The following PCDH9 variants were observed in gnomAD, a reference collection of about 807,000 sequenced individuals.
PCDH9 encodes protocadherin-9.
Under a neutral mutation model 70.6 loss-of-function variants are expected in PCDH9, and 24 were observed. The observed-to-expected ratio is 0.34, with a 90% CI of 0.25 to 0.48. The LOEUF is 0.48. Ranked by LOEUF, PCDH9 falls within the 20% of genes least tolerant of loss-of-function variation. PCDH9 has a pLI of 0.99. For missense variants in PCDH9, 1,281 were observed against 1,503.6 expected, an observed-to-expected ratio of 0.85 and a Z score of 2.45; for synonymous variants, 562 against 558.5, an observed-to-expected ratio of 1.01 and a Z score of -0.09.
intron 4 of PCDH9, among the ~76,000 whole-genome samples, chr13:66,447,484 T>C (rs1958117440): frequency 6.6e-6 from 1 of 152,140 alleles, no homozygotes; most frequent in Non-Finnish European, 1.5e-5. Context: ...CTTGTGTCTC[T>C]CTTTTTAAAA....
In PCDH9 at chr13:67,186,945, T is replaced by C. The variant is rs1223224423; in HGVS notation, c.3036+38460A>G. ...ATTAAGACCATTTTCAATGAGTCTT[T>C]AAAGAGAGGGAGACATCATTAACTT... On this transcript the variant is annotated intron_variant, in intron 2 of 4. Coordinates refer to ENST00000377865, the MANE Select transcript of PCDH9 (RefSeq NM_203487.3). Among the ~76,000 whole-genome samples, 5 of 152,192 alleles carry C rather than the reference T, an allele frequency of 3.3e-5. No individual in the cohort carries two copies. In the East Asian group the frequency reaches 7.7e-4, roughly 23 times the overall value.
chr13:66,957,071 T>C (rs1438804326), intron 2 of PCDH9, among the ~76,000 whole-genome samples: 1 of 152,210 alleles, frequency 6.6e-6, no homozygotes, highest in African/African-American at 2.4e-5. Flanking sequence ...AACAATGCTT[T>C]GTAGTTAGAT....
chr13:66,531,601 G>A (rs1260359258), intron 4 of PCDH9, among the ~76,000 whole-genome samples: 2 of 152,100 alleles, frequency 1.3e-5, no homozygotes, highest in African/African-American at 2.4e-5. Context: ...AAATTTTAAC[G>A]ACTCTTCTAA....
chr13:66,772,674 A>C (rs1014483903), intron 3 of PCDH9, among the ~76,000 whole-genome samples: 7 of 152,132 alleles, frequency 4.6e-5, no homozygotes, highest in Non-Finnish European at 7.4e-5. Flanking sequence ...GCTCAACATA[A>C]ACATAACATT....
intron 2 of PCDH9, among the ~76,000 whole-genome samples, chr13:67,029,130 G>A (rs796608317): frequency 2.6e-5 from 4 of 152,182 alleles, no homozygotes; most frequent in African/African-American, 9.6e-5. Flanking sequence ...GGCCAAGAAA[G>A]ACTAAAAAGC....
intron 3 of PCDH9, among the ~76,000 whole-genome samples, chr13:66,717,156 T>A (rs1350295202): frequency 6.6e-6 from 1 of 151,970 alleles, no homozygotes; most frequent in African/African-American, 2.4e-5. Context: ...ATGGCAACTT[T>A]AAAAATACAA....
chr13:66,861,902 GA>G (rs577028552), intron 3 of PCDH9, among the ~76,000 whole-genome samples: 4 of 150,884 alleles, frequency 2.7e-5, no homozygotes, highest in African/African-American at 9.7e-5. Flanking sequence ...AGCCCTTGTG[GA>G]AAAAAAAATA....
chr13:66,984,879 A>G (rs2083857529), intron 2 of PCDH9, among the ~76,000 whole-genome samples: 1 of 151,986 alleles, frequency 6.6e-6, no homozygotes, highest in African/African-American at 2.4e-5. Flanking sequence ...TTTTCTAAGG[A>G]CAATTTTAAA....
intron 4 of PCDH9, among the ~76,000 whole-genome samples, chr13:66,474,327 G>A (rs946817196): frequency 6.6e-6 from 1 of 152,046 alleles, no homozygotes; most frequent in Non-Finnish European, 1.5e-5. Flanking sequence ...TTTGAAGGCA[G>A]GAATTTCAAT....
At chr13:66,732,194 G>C (rs994931132) in intron 3 of PCDH9, among the ~76,000 whole-genome samples, 1 of 151,888 alleles carries the variant, frequency 6.6e-6, no homozygotes. Context: ...TTTGATACCT[G>C]TGTAAGATGT....
chr13:66,515,050 C>T (rs917589129), intron 4 of PCDH9, among the ~76,000 whole-genome samples: 1 of 152,012 alleles, frequency 6.6e-6, no homozygotes, highest in African/African-American at 2.4e-5. Context: ...TGTGAGAGCA[C>T]TACTAGTCTC....
intron 4 of PCDH9, among the ~76,000 whole-genome samples, chr13:66,457,138 A>T (rs1195911351): frequency 6.6e-6 from 1 of 152,142 alleles, no homozygotes; most frequent in Non-Finnish European, 1.5e-5. Flanking sequence ...AAGTGGCTCA[A>T]CATAACTCAG....
intron 3 of PCDH9, among the ~76,000 whole-genome samples, chr13:66,846,920 G>T (rs2081222063): frequency 6.9e-6 from 1 of 143,970 alleles, no homozygotes. Flanking sequence ...AACACACACA[G>T]AGTATATCAC....
chr13:67,067,016 A>G (rs1470410934), intron 2 of PCDH9, among the ~76,000 whole-genome samples: 1 of 151,562 alleles, frequency 6.6e-6, no homozygotes, highest in Non-Finnish European at 1.5e-5. Flanking sequence ...TCTGCTTCTA[A>G]GAGTGATAAA....
chr13:67,183,027 A>AATTC (rs1260801000), intron 2 of PCDH9, among the ~76,000 whole-genome samples: 2 of 152,166 alleles, frequency 1.3e-5, no homozygotes, highest in Non-Finnish European at 2.9e-5. Context: ...GTAATTAATT[A>AATTC]ATCTATAGAT....
intron 4 of PCDH9, among the ~76,000 whole-genome samples, chr13:66,445,743 T>C (rs536070416): frequency 6.9e-6 from 1 of 145,872 alleles, no homozygotes; most frequent in Non-Finnish European, 1.5e-5. Context: ...ATATATTATA[T>C]ATACACATAT....
rs980980910 is a variant in PCDH9 at position 66,303,070 on chromosome 13, A to C, written c.*1585T>G. ...AGTAATTTTATTTTTTGGTAAGAACAAATTAACTATCAGATTAGCAAACCT... is the reference window on the plus strand; with the variant it reads ...AGTAATTTTATTTTTTGGTAAGAACCAATTAACTATCAGATTAGCAAACCT... On this transcript the variant is annotated 3_prime_UTR_variant, in exon 5 of 5. Transcript: ENST00000377865. 1 of 152,466 alleles carries C rather than the reference A, an allele frequency of 6.6e-6. No individual in the cohort carries two copies. The highest frequency in any genetic ancestry group is 2.4e-5 in the African/African-American group (1 of 41,440). 9.4% of individuals were successfully genotyped at this position (152,466 alleles called of 1,614,324 possible). A position where few individuals can be genotyped will look rare whatever the true frequency, so the allele number is the denominator to read the frequency against.
chr13:66,393,490 A>G (rs17081231), intron 4 of PCDH9, among the ~76,000 whole-genome samples: 4,528 of 152,252 alleles, frequency 0.03, 178 homozygotes, highest in East Asian at 0.19. Flanking sequence ...CACTGAACAT[A>G]ATGCAATGTA....
chr13:66,901,664 C>T (rs1998606), intron 3 of PCDH9, among the ~76,000 whole-genome samples: 16,777 of 151,372 alleles, frequency 0.11, 1,209 homozygotes, highest in Middle Eastern at 0.19. Context: ...CTTCAAATTC[C>T]CTAGACCTTT....
Sources: allele counts gnomAD v4.1 joint callset (sites outside exome capture counted in the v4.1 genomes callset), GRCh38; gene constraint gnomAD v4.1.1; transcripts MANE v1.5; gene names NCBI Gene and HGNC (gene_info 2026-07-23, HGNC 2026-07-21).